Variants in TMEM260 observed in about 807,000 individuals in gnomAD.
The protein encoded by TMEM260 is transmembrane protein 260.
Under a neutral mutation model 88.9 loss-of-function variants are expected in TMEM260, and 82 were observed. The observed-to-expected ratio is 0.92, with a 90% CI of 0.77 to 1.11. The LOEUF is 1.11. TMEM260 is among the 50% of genes least tolerant of loss of function. TMEM260 has a pLI of 0.00. For synonymous variants in TMEM260, 314 were observed against 309.3 expected, an observed-to-expected ratio of 1.02 and a Z score of -0.16; for missense variants, 902 against 853.4, an observed-to-expected ratio of 1.06 and a Z score of -0.71.
intron 10 of TMEM260, 39 bp downstream of exon 10, chr14:56,618,802 C>G (rs752977869): frequency 1.3e-6 from 2 of 1,558,180 alleles, no homozygotes; most frequent in Middle Eastern, 1.9e-4. Context: ...AGCTGTCAAG[C>G]CAGAGATACC....
intron 4 of TMEM260, among the ~76,000 whole-genome samples, chr14:56,604,301 A>G (rs1016423430): frequency 6.6e-6 from 1 of 151,712 alleles, no homozygotes; most frequent in African/African-American, 2.4e-5. Flanking sequence ...TTGTTTGTGT[A>G]TATTATCAGA....
chr14:56,634,916 G>T lies in TMEM260; in HGVS notation c.1742G>T (p.Trp581Leu), dbSNP rs1405628693. The T allele has an allele frequency of 1.2e-6, 2 of 1,613,738 alleles. No homozygotes were observed. The highest frequency in any genetic ancestry group is 2.7e-5 in the African/African-American group (2 of 74,876). The change falls in exon 14 of 16, where the codon TGG becomes TTG. Residue 581 changes from tryptophan to leucine, a missense_variant. Transcript: ENST00000261556. The part of the protein sequence containing the change: ...EEYGRFDPSS[W>L]ESVANEEMWQ... ...AACTACAGGTTTGATCCATCTTCTTGGGAATCTGTGGCCAATGAAGAAATG... is the reference window on the plus strand; with the variant it reads ...AACTACAGGTTTGATCCATCTTCTTTGGAATCTGTGGCCAATGAAGAAATG...
chr14:56,598,762 C>T (rs776280700), intron 3 of TMEM260, among the ~76,000 whole-genome samples: 25 of 152,122 alleles, frequency 1.6e-4, no homozygotes, highest in Non-Finnish European at 3.2e-4. Flanking sequence ...GATGGGGTCA[C>T]GGCTCCTTAG....
At chr14:56,612,998 A>G (rs1443678107) in intron 7 of TMEM260, 1 of 152,138 alleles carries the variant, frequency 6.6e-6, no homozygotes, top group Non-Finnish European at 1.5e-5. Context: ...CGTAAGCTCT[A>G]TCTTTGGCTT....
At chr14:56,652,752 T>G (rs1344259602), downstream of TMEM260, among the ~76,000 whole-genome samples, 1 of 152,180 alleles carries the variant, frequency 6.6e-6, no homozygotes, top group Admixed American at 6.5e-5. Context: ...TTGTTTTTAC[T>G]TAGAGTGTCA....
intron 11 of TMEM260, among the ~76,000 whole-genome samples, chr14:56,622,854 T>G (rs1447527410): frequency 6.6e-6 from 1 of 152,208 alleles, no homozygotes; most frequent in Non-Finnish European, 1.5e-5. Flanking sequence ...AAATATACAA[T>G]TTTACATTTT....
At chr14:56,655,218 C>T (rs1023778537), downstream of TMEM260, among the ~76,000 whole-genome samples, 1 of 151,906 alleles carries the variant, frequency 6.6e-6, no homozygotes, top group African/African-American at 2.4e-5. Flanking sequence ...GGTGAAACCC[C>T]GTCTCTACTA....
chr14:56,653,350 GA>G (rs376506347), downstream of TMEM260, among the ~76,000 whole-genome samples: 641 of 152,186 alleles, frequency 4.2e-3, 9 homozygotes, highest in South Asian at 0.048. Flanking sequence ...TGTATGTAAA[GA>G]AATTGATAAA....
intron 15 of TMEM260, among the ~76,000 whole-genome samples, chr14:56,644,690 G>C (rs1889834819): frequency 6.6e-6 from 1 of 152,064 alleles, no homozygotes; most frequent in Non-Finnish European, 1.5e-5. Flanking sequence ...CACAGCAAAA[G>C]AAACTACCAT....
At chr14:56,661,298 G>A in the TMEM260 span, among the ~76,000 whole-genome samples, 1 of 152,156 alleles carries the variant, frequency 6.6e-6, no homozygotes, top group African/African-American at 2.4e-5. Flanking sequence ...AGGATCTGAG[G>A]TGAGAGGCGT....
downstream of TMEM260, chr14:56,650,050 T>C: frequency 2.2e-6 from 1 of 450,162 alleles, no homozygotes; most frequent in South Asian, 1.6e-5. Context: ...TTCTTTTTCT[T>C]TCTCTTACTT....
chr14:56,585,985 C>A, intron 3 of TMEM260, 73 bp downstream of exon 3: 2 of 1,468,358 alleles, frequency 1.4e-6, no homozygotes, highest in African/African-American at 1.4e-5. Context: ...CAAGTACATA[C>A]ATTAAAAAAA....
chr14:56,637,757 C>G (rs1453136980), intron 15 of TMEM260, among the ~76,000 whole-genome samples: 1 of 152,216 alleles, frequency 6.6e-6, no homozygotes, highest in Non-Finnish European at 1.5e-5. Flanking sequence ...ATTGTGATCT[C>G]TGGTTCCTTA....
intron 3 of TMEM260, among the ~76,000 whole-genome samples, chr14:56,591,275 C>G (rs1023192616): frequency 1.1e-4 from 16 of 151,902 alleles, no homozygotes; most frequent in African/African-American, 3.9e-4. Context: ...TTTTCAGAGC[C>G]ATAAAAATAG....
At chr14:56,639,992 G>A (rs561330219) in intron 15 of TMEM260, among the ~76,000 whole-genome samples, 143 of 152,306 alleles carry the variant, frequency 9.4e-4, no homozygotes, top group South Asian at 3.1e-3. Context: ...TGGGAAGCTC[G>A]AACTGGGTAG....
chr14:56,621,525 A>G lies in TMEM260; in HGVS notation c.1227-6A>G. The stretch of plus-strand genomic sequence containing the variant: ...TATTTTAATTTTTTTGGATCCTTTT[A>G]TTTAGTGTTTGTGACCAAAGGACCA... On this transcript the variant is annotated splice_region_variant and splice_polypyrimidine_tract_variant and intron_variant, in intron 10 of 15. Transcript: ENST00000261556. The G allele has an allele frequency of 6.3e-7, 1 of 1,596,990 alleles. No individual in the cohort carries two copies. The highest frequency in any genetic ancestry group is 8.5e-7 in the Non-Finnish European group (1 of 1,172,654).
chr14:56,619,275 A>G (rs1401981714), intron 10 of TMEM260: 2 of 154,752 alleles, frequency 1.3e-5, no homozygotes, highest in East Asian at 1.9e-4. Context: ...GGGCTCAAGC[A>G]GTCCTCTGCC....
chr14:56,628,851 A>G (rs1253163686), intron 12 of TMEM260, among the ~76,000 whole-genome samples: 2 of 151,250 alleles, frequency 1.3e-5, no homozygotes, highest in Non-Finnish European at 2.9e-5. Context: ...GTTTAGATGT[A>G]TGTCTACTAT....
rs774572764 is a variant in TMEM260, at chr14:56,585,801, C to T, written c.233C>T (p.Ala78Val). ...PPGYPLFTLV[A>V]KLAITLFPFG... is the part of the protein sequence containing the mutation. Reference sequence around the variant, plus strand: ...GGCTATCCTTTGTTCACGCTGGTGGCTAAACTGGCAATTACACTGTTTCCT... The same window carrying T: ...GGCTATCCTTTGTTCACGCTGGTGGTTAAACTGGCAATTACACTGTTTCCT... Residue 78 changes from alanine (A) to valine (V), a missense_variant, in exon 3 of 16, where the codon GCT (alanine) becomes GTT (valine). Coordinates refer to ENST00000261556, the MANE Select transcript of TMEM260 (RefSeq NM_017799.4). 1.9e-6 allele frequency: 3 copies of T among 1,613,590 alleles called. No individual in the cohort carries two copies. The South Asian group carries it at 3.3e-5, about 18-fold the overall frequency.
Sources: allele counts gnomAD v4.1 joint callset (sites outside exome capture counted in the v4.1 genomes callset), GRCh38; gene constraint gnomAD v4.1.1; transcripts MANE v1.5; gene names NCBI Gene and HGNC (gene_info 2026-07-23, HGNC 2026-07-21).